The following CDK11B variants were observed in gnomAD, a reference collection of about 807,000 sequenced individuals.
CDK11B encodes the protein cyclin-dependent kinase 11B.
Under a neutral mutation model 84.0 loss-of-function variants are expected in CDK11B, and 37 were observed. The ratio of observed to expected loss-of-function variants is 0.44; its 90% CI spans 0.34 to 0.58. The LOEUF (loss-of-function observed/expected upper bound fraction) is 0.58, where lower values mean the gene tolerates loss of function less well. Ranked by LOEUF, CDK11B falls within the 20% of genes least tolerant of loss-of-function variation. The pLI, the probability that CDK11B is intolerant of heterozygous loss-of-function variation, is 0.02. For synonymous variants in CDK11B, 269 were observed against 309.8 expected (o/e 0.87, Z 1.38); for missense variants, 427 against 834.0 (o/e 0.51, Z 6.01).
chr1:1,658,142 C>G (rs1268024047), intron 1 of CDK11B, among the ~76,000 whole-genome samples: 3 of 147,562 alleles, frequency 2.0e-5, no homozygotes, highest in Non-Finnish European at 4.4e-5. Flanking sequence ...TCACTGCACT[C>G]CAGCAAGACC....
chr1:1,650,407 C>G (rs1469486686), intron 4 of CDK11B, among the ~76,000 whole-genome samples: 1 of 141,458 alleles, frequency 7.1e-6, no homozygotes, highest in Admixed American at 7.1e-5. Context: ...GCTCTGTCGC[C>G]CAGGCTGGAG....
chr1:1,651,768 GGTCT>G (rs1375686598), intron 4 of CDK11B, among the ~76,000 whole-genome samples: 28 of 150,390 alleles, frequency 1.9e-4, no homozygotes, highest in East Asian at 5.9e-4. Flanking sequence ...CCTTCTGAAT[GGTCT>G]GTAACACACG....
intron 4 of CDK11B, among the ~76,000 whole-genome samples, chr1:1,650,150 G>A (rs1470012593): frequency 1.0e-4 from 15 of 146,660 alleles, no homozygotes; most frequent in African/African-American, 3.3e-4. Flanking sequence ...GGCACCTGTA[G>A]TCCCAGCTAC....
In CDK11B at chr1:1,654,899, C is replaced by A. The variant is rs182620948; in HGVS notation, c.227+470G>T. Among the ~76,000 whole-genome samples, 99 of 151,848 alleles carry A rather than the reference C, an allele frequency of 6.5e-4. 2 individuals are homozygous for A. The East Asian group carries it at 0.017, about 26-fold the overall frequency. ...GGTCTTGATCTTCTGACCTTGTGAT[C>A]CGCCCACCTCGGCCTCCCAAAGTGC... On this transcript the variant is annotated intron_variant, in intron 3 of 19. Coordinates refer to ENST00000341832, the MANE Select transcript of CDK11B (RefSeq NM_033486.3).
chr1:1,653,156 C>G (rs1642229230), intron 3 of CDK11B, among the ~76,000 whole-genome samples: 1 of 152,068 alleles, frequency 6.6e-6, no homozygotes, highest in African/African-American at 2.4e-5. Context: ...TAAGGAGTAG[C>G]TGGGATTACA....
At position 1,655,475 on chromosome 1, in the gene CDK11B, G is replaced by C. The variant is rs756005151; in HGVS notation, c.121C>G (p.Arg41Gly). 2 of 1,609,350 alleles carry C rather than the reference G, an allele frequency of 1.2e-6. No individual in the cohort carries two copies. Among genetic ancestry groups the C allele is most frequent in the Non-Finnish European group, 1.7e-6 (2 of 1,176,230 alleles). The change falls in exon 3 of 20, where the codon CGG becomes GGG. Residue 41 changes from arginine (R) to glycine (G), a missense_variant. By Grantham distance (125) the Arg-to-Gly change is moderately radical (BLOSUM62 -2). Around this residue, in one of 12 missense-constraint regions of CDK11B, gnomAD observed 57 missense variants for 62.2 expected, o/e 0.92. Transcript: ENST00000341832. ...TCAAGGGAATCCCGCTTGGAATCCC[G>C]GTCATCAGACTAAGAAGCAAAGAGA... The part of the protein sequence containing the change: ...EIKRLKNSDD[R>G]DSKRDSLEEG...
chr1:1,652,591 C>T (rs1369297149), intron 3 of CDK11B, 25 bp from the exon 4 acceptor site: 49 of 1,395,484 alleles, frequency 3.5e-5, no homozygotes, highest in Admixed American at 5.9e-5. Context: ...AACAGCACTG[C>T]ATCATGCTTG....
At chr1:1,639,455 G>C (rs988811083) in intron 11 of CDK11B, among the ~76,000 whole-genome samples, 10 of 151,828 alleles carry the variant, frequency 6.6e-5, no homozygotes, top group Non-Finnish European at 1.3e-4. Flanking sequence ...TTGTCAAACT[G>C]GATGTGTCCC....
At chr1:1,641,172 A>G in intron 9 of CDK11B, 59 bp from the exon 10 acceptor site, 2 of 1,531,370 alleles carry the variant, frequency 1.3e-6, no homozygotes, top group South Asian at 1.2e-5. Context: ...TGCCACAGGC[A>G]GGATGCGGGC....
chr1:1,655,474 C>T lies in CDK11B; in HGVS notation c.122G>A (p.Arg41Gln). The change falls in exon 3 of 20, where the codon CGG (arginine) becomes CAG (glutamine). Residue 41 changes from arginine (R) to glutamine (Q), a missense_variant. Arg to Gln is a conservative substitution (Grantham distance 43). Coordinates refer to ENST00000341832, the MANE Select transcript of CDK11B (RefSeq NM_033486.3). ...CTCAAGGGAATCCCGCTTGGAATCC[C>T]GGTCATCAGACTAAGAAGCAAAGAG... ...EIKRLKNSDD[R>Q]DSKRDSLEEG... The T allele has an allele frequency of 3.1e-6, 5 of 1,610,580 alleles. No individual in the cohort carries two copies. Among genetic ancestry groups the T allele is most frequent in the Non-Finnish European group, 3.4e-6 (4 of 1,177,252 alleles).
intron 17 of CDK11B, 95 bp downstream of exon 17, chr1:1,636,587 G>C: frequency 1.3e-6 from 2 of 1,581,850 alleles, no homozygotes; most frequent in East Asian, 4.6e-5. Context: ...AGTGGCCCTG[G>C]TCCCCATCTC....
At chr1:1,649,995 C>T (rs1387390764) in intron 4 of CDK11B, among the ~76,000 whole-genome samples, 13 of 149,818 alleles carry the variant, frequency 8.7e-5, no homozygotes, top group South Asian at 2.1e-4. Context: ...AAATTAAGAC[C>T]GGGCGCGGTG....
intron 2 of CDK11B, among the ~76,000 whole-genome samples, chr1:1,656,429 G>T (rs1314529484): frequency 1.3e-5 from 2 of 151,886 alleles, no homozygotes; most frequent in Non-Finnish European, 2.9e-5. Flanking sequence ...AGGCAGAGGT[G>T]GCAGTTAGCT....
At chr1:1,638,431 C>CG (rs1345670342) in intron 12 of CDK11B, 69 bp downstream of exon 12, 1 of 1,197,804 alleles carries the variant, frequency 8.3e-7, no homozygotes, top group Non-Finnish European at 1.2e-6. Context: ...CAGGTGCAGT[C>CG]GCAGCTCTCG....
At chr1:1,650,687 T>C (rs1159357228) in intron 4 of CDK11B, among the ~76,000 whole-genome samples, 1 of 126,378 alleles carries the variant, frequency 7.9e-6, no homozygotes, top group Non-Finnish European at 1.7e-5. Context: ...TTTTTTTTTT[T>C]TAAAGAGACA....
chr1:1,653,861 C>CACACAA (rs1168349618), intron 3 of CDK11B, among the ~76,000 whole-genome samples: 2 of 128,854 alleles, frequency 1.6e-5, no homozygotes, highest in Non-Finnish European at 3.0e-5. Context: ...CACACACACA[C>CACACAA]ACCCGAGCGT....
intron 5 of CDK11B, chr1:1,646,488 T>C (rs746735284): frequency 1.9e-6 from 1 of 519,976 alleles, no homozygotes; most frequent in East Asian, 5.4e-5. Flanking sequence ...AGTCCATTTA[T>C]GCCACATACC....
chr1:1,650,418 T>G lies in CDK11B; in HGVS notation c.356-781A>C, dbSNP rs1443446928. On this transcript the variant is annotated intron_variant, in intron 4 of 19. Transcript: ENST00000341832. The stretch of plus-strand genomic sequence containing the variant: ...TCTTGCTCTGTCGCCCAGGCTGGAG[T>G]GCAGTGGCGCAATCTCGGCTCACTG... 2.5e-3 allele frequency among the ~76,000 whole-genome samples: 358 copies of G among 142,410 alleles called. 3 individuals carry two copies. Among genetic ancestry groups the G allele is most frequent in the South Asian group, 8.4e-3 (37 of 4,404 alleles). 93.4% of individuals were successfully genotyped at this position (142,410 alleles called of 152,430 possible). A position where few individuals can be genotyped will look rare whatever the true frequency, so the allele number is the denominator to read the frequency against.
rs200964630 is a variant in CDK11B at position 1,636,948 on chromosome 1, C to G, written c.1749G>C (p.Pro583=). Residue 583 remains proline (P), a synonymous_variant, in exon 16 of 20, where the codon CCG becomes CCC. Transcript: ENST00000341832. The stretch of plus-strand genomic sequence containing the variant: ...CGCGGTACCACAGGGTCACCACGAC[C>G]GGGGTGTAGGCCTTCAGAGGGGATC... The part of the protein sequence containing the change: ...EYGSPLKAYT[P]VVVTLWYRAP... 6.2e-7 allele frequency: 1 copy of G among 1,608,332 alleles called. No homozygotes were observed. The highest frequency in any genetic ancestry group is 2.2e-5 in the East Asian group (1 of 44,760).
Sources: allele counts gnomAD v4.1 joint callset (sites outside exome capture counted in the v4.1 genomes callset), GRCh38; gene constraint gnomAD v4.1.1; regional missense constraint gnomAD v4.1.1; transcripts MANE v1.5; gene names NCBI Gene and HGNC (gene_info 2026-07-23, HGNC 2026-07-21).